LINGO2: variants seen among roughly 807,000 people sequenced by gnomAD.
LINGO2 encodes leucine-rich repeat and immunoglobulin-like domain-containing nogo receptor-interacting protein 2.
LINGO2 carries 14 observed loss-of-function variants against 30.6 expected under a neutral mutation model. That is an observed-to-expected ratio of 0.46 (90% CI 0.30 to 0.72). LINGO2 has a LOEUF of 0.72. LINGO2 is among the 30% of genes least tolerant of loss of function. The pLI is 0.07. For missense variants in LINGO2, 729 were observed against 751.7 expected (o/e 0.97, Z 0.35); for synonymous variants, 317 against 288.5 (o/e 1.10, Z -1.00).
the LINGO2 span, among the ~76,000 whole-genome samples, chr9:28,814,845 A>AGT: frequency 1.3e-5 from 2 of 152,122 alleles, no homozygotes; most frequent in East Asian, 3.9e-4. Context: ...AGAGCAAATT[A>AGT]GTGGTTGTAG....
the LINGO2 span, among the ~76,000 whole-genome samples, chr9:29,019,623 C>G: frequency 6.6e-6 from 1 of 152,136 alleles, no homozygotes; most frequent in Non-Finnish European, 1.5e-5. Context: ...TATTCAGGAA[C>G]AGATACCATG....
At chr9:28,306,331 G>A (rs1166909275) in intron 3 of LINGO2, among the ~76,000 whole-genome samples, 2 of 152,120 alleles carry the variant, frequency 1.3e-5, no homozygotes, top group Non-Finnish European at 2.9e-5. Flanking sequence ...AAAAGACAAT[G>A]GAGGAAGGAA....
chr9:28,433,949 C>CTCTCTCTCTCTCTATATATATATATAT (rs1225323260), intron 2 of LINGO2, among the ~76,000 whole-genome samples: 1 of 88,480 alleles, frequency 1.1e-5, no homozygotes, highest in Non-Finnish European at 2.3e-5. Flanking sequence ...CTCTCTCTCT[C>CTCTCTCTCTCTCTATATATATATATAT]TATATATATA....
chr9:28,605,806 C>T (rs1825671686), intron 1 of LINGO2, among the ~76,000 whole-genome samples: 1 of 151,982 alleles, frequency 6.6e-6, no homozygotes. Flanking sequence ...ACAGCCACAT[C>T]CACTCATTTA....
intron 1 of LINGO2, among the ~76,000 whole-genome samples, chr9:28,510,739 G>A (rs904243854): frequency 2.6e-5 from 4 of 151,586 alleles, no homozygotes; most frequent in Non-Finnish European, 5.9e-5. Context: ...TATTAGTCAG[G>A]ATTCTCTAGA....
At chr9:27,996,637 G>A (rs1197833097) in intron 5 of LINGO2, among the ~76,000 whole-genome samples, 1 of 152,106 alleles carries the variant, frequency 6.6e-6, no homozygotes, top group Non-Finnish European at 1.5e-5. Context: ...AAAAAAAGGG[G>A]GGTTAGTTAA....
At chr9:28,140,582 T>A (rs1046389823) in intron 4 of LINGO2, among the ~76,000 whole-genome samples, 1 of 152,240 alleles carries the variant, frequency 6.6e-6, no homozygotes, top group Non-Finnish European at 1.5e-5. Context: ...CACTGAAGGC[T>A]ATCTTCATCT....
chr9:28,491,942 A>C (rs1316317026), intron 1 of LINGO2, among the ~76,000 whole-genome samples: 2 of 152,198 alleles, frequency 1.3e-5, no homozygotes, highest in Non-Finnish European at 2.9e-5. Flanking sequence ...TGTGGGAAAA[A>C]GGGTGTATTA....
chr9:28,041,876 A>G (rs568630376), intron 4 of LINGO2, among the ~76,000 whole-genome samples: 36 of 152,180 alleles, frequency 2.4e-4, no homozygotes, highest in Non-Finnish European at 4.7e-4. Context: ...TATTTTCAAA[A>G]CCCATGAACT....
chr9:28,295,616 G>A (rs1823894434), intron 3 of LINGO2, among the ~76,000 whole-genome samples: 1 of 152,120 alleles, frequency 6.6e-6, no homozygotes, highest in Non-Finnish European at 1.5e-5. Flanking sequence ...AGTTATTAAT[G>A]AACATTATTG....
At chr9:28,275,454 G>A (rs1823084299) in intron 4 of LINGO2, among the ~76,000 whole-genome samples, 1 of 152,060 alleles carries the variant, frequency 6.6e-6, no homozygotes, top group South Asian at 2.1e-4. Context: ...AGCCTCATCA[G>A]TCTTCAACTC....
chr9:28,420,369 CCT>C (rs1306925270), intron 2 of LINGO2, among the ~76,000 whole-genome samples: 5 of 151,954 alleles, frequency 3.3e-5, no homozygotes, highest in Middle Eastern at 3.2e-3. Flanking sequence ...GAGGAACATT[CCT>C]TCATGGTTAT....
At chr9:28,690,822 T>G in the LINGO2 span, among the ~76,000 whole-genome samples, 1 of 152,290 alleles carries the variant, frequency 6.6e-6, no homozygotes, top group South Asian at 2.1e-4. Flanking sequence ...CTCTTAAGAT[T>G]AATAGACCAA....
At chr9:28,184,991 G>C (rs993362301) in intron 4 of LINGO2, among the ~76,000 whole-genome samples, 10 of 152,086 alleles carry the variant, frequency 6.6e-5, no homozygotes, top group African/African-American at 2.4e-4. Flanking sequence ...CAAAACTTCA[G>C]AGCAACAAGA....
intron 3 of LINGO2, among the ~76,000 whole-genome samples, chr9:28,355,640 C>T (rs926498683): frequency 6.6e-6 from 1 of 152,076 alleles, no homozygotes; most frequent in Non-Finnish European, 1.5e-5. Flanking sequence ...CTAGAGATTT[C>T]TCTGTACTTC....
intron 4 of LINGO2, among the ~76,000 whole-genome samples, chr9:28,229,668 A>C (rs953997834): frequency 6.6e-6 from 1 of 151,790 alleles, no homozygotes; most frequent in African/African-American, 2.4e-5. Context: ...AAACTTTAAA[A>C]AATAAAGTGA....
chr9:28,799,135 T>C, the LINGO2 span, among the ~76,000 whole-genome samples: 3 of 152,026 alleles, frequency 2.0e-5, no homozygotes, highest in Non-Finnish European at 4.4e-5. Context: ...CAGGCTATCA[T>C]AAAAATAGTC....
At chr9:28,222,983 T>C (rs1201918410) in intron 4 of LINGO2, among the ~76,000 whole-genome samples, 4 of 152,136 alleles carry the variant, frequency 2.6e-5, no homozygotes, top group Non-Finnish European at 5.9e-5. Context: ...AGAATAGTCC[T>C]ATTTCAAGAT....
At chr9:29,049,619 A>T in the LINGO2 span, among the ~76,000 whole-genome samples, 1 of 152,050 alleles carries the variant, frequency 6.6e-6, no homozygotes, top group Non-Finnish European at 1.5e-5. Flanking sequence ...ATTCAGTCAT[A>T]AAAAAAATGA....
Sources: gnomAD v4.1 joint callset for allele counts (sites outside exome capture counted in the v4.1 genomes callset) on GRCh38, gnomAD v4.1.1 for gene constraint, MANE v1.5 for transcripts, NCBI Gene and HGNC (gene_info 2026-07-23, HGNC 2026-07-21) for gene names.